The following CATSPERE variants were observed in gnomAD, a reference collection of about 807,000 sequenced individuals.
CATSPERE encodes the protein catsper channel auxiliary subunit epsilon.
Under a neutral mutation model 114.1 loss-of-function variants are expected in CATSPERE, and 93 were observed. That is an observed-to-expected ratio of 0.81 (90% CI 0.69 to 0.97). The LOEUF is 0.97. Ranked by LOEUF, CATSPERE falls within the 50% of genes least tolerant of loss-of-function variation. CATSPERE has a pLI of 0.00. For synonymous variants in CATSPERE, 341 were observed against 384.1 expected (o/e 0.89, Z 1.31); for missense variants, 1,058 against 1,131.6 (o/e 0.93, Z 0.93).
intron 6 of CATSPERE, 27 bp from the exon 7 acceptor site, chr1:244,498,975 G>T (rs1439820863): frequency 6.4e-7 from 1 of 1,550,672 alleles, no homozygotes; most frequent in African/African-American, 1.4e-5. Context: ...AAAATGTAAA[G>T]AAATGCAAAC....
chr1:244,491,951 A>T (rs559019120), intron 6 of CATSPERE, among the ~76,000 whole-genome samples: 5 of 152,364 alleles, frequency 3.3e-5, no homozygotes, highest in African/African-American at 1.2e-4. Flanking sequence ...GGCAATAATC[A>T]ATAGTTTACC....
At chr1:244,491,594 C>A (rs1672175243) in intron 6 of CATSPERE, among the ~76,000 whole-genome samples, 1 of 152,106 alleles carries the variant, frequency 6.6e-6, no homozygotes, top group Non-Finnish European at 1.5e-5. Context: ...TAACTAAAAT[C>A]AGGCAGAACT....
At chr1:244,629,708 C>T (rs1215677764) in intron 20 of CATSPERE, among the ~76,000 whole-genome samples, 2 of 151,632 alleles carry the variant, frequency 1.3e-5, no homozygotes, top group Non-Finnish European at 2.9e-5. Context: ...GGCATGATCT[C>T]AGCTCAATGC....
chr1:244,575,261 C>T lies in CATSPERE; in HGVS notation c.1950+2489C>T, dbSNP rs1665067124. On this transcript the variant is annotated intron_variant, in intron 11 of 21. Transcript: ENST00000366534. The surrounding 1 kb of genome is among the most constrained non-coding windows in gnomAD (Gnocchi z 4.5). ...CCCCGGGCTGTTGCTGGCCCAGAGG[C>T]TTGGCAGGTGCCTGCCGTAAGTTGT... Among the ~76,000 whole-genome samples the T allele has an allele frequency of 1.3e-5, 2 of 152,240 alleles. No homozygotes were observed. The highest frequency in any genetic ancestry group is 2.9e-5 in the Non-Finnish European group (2 of 68,034).
upstream of CATSPERE, among the ~76,000 whole-genome samples, chr1:244,454,059 G>A (rs573922040): frequency 3.3e-5 from 5 of 152,266 alleles, no homozygotes; most frequent in South Asian, 2.1e-4. Flanking sequence ...CTGTCCTCTC[G>A]TCTTTGTGTG....
intron 11 of CATSPERE, among the ~76,000 whole-genome samples, chr1:244,577,569 C>T (rs974096385): frequency 4.6e-5 from 7 of 152,164 alleles, no homozygotes; most frequent in East Asian, 3.9e-4. Flanking sequence ...GGTGAGGGAC[C>T]GTTCCTCACA....
chr1:244,625,428 A>ATTTTTTTTTTT (rs1234328450), intron 20 of CATSPERE, among the ~76,000 whole-genome samples: 20 of 3,744 alleles, frequency 5.3e-3, no homozygotes, highest in East Asian at 0.017. Context: ...ATATATATAT[A>ATTTTTTTTTTT]TATATTTTTT....
At chr1:244,459,924 T>TG, upstream of CATSPERE, among the ~76,000 whole-genome samples, 1 of 152,284 alleles carries the variant, frequency 6.6e-6, no homozygotes, top group South Asian at 2.1e-4. Context: ...TCACTCCCAT[T>TG]CCCATTACCT....
intron 8 of CATSPERE, among the ~76,000 whole-genome samples, chr1:244,519,073 T>C (rs979890855): frequency 2.6e-5 from 4 of 152,106 alleles, no homozygotes; most frequent in East Asian, 1.9e-4. Flanking sequence ...GCAAGATACA[T>C]TACTGTTAAA....
chr1:244,506,570 T>G lies in CATSPERE; in HGVS notation c.429+7491T>G, dbSNP rs1014226650. Among the ~76,000 whole-genome samples, 3 of 152,188 alleles carry G rather than the reference T, an allele frequency of 2.0e-5. No homozygotes were observed. The South Asian group carries it at 6.2e-4, about 32-fold the overall frequency. On this transcript the variant is annotated intron_variant, in intron 7 of 21. Transcript: ENST00000366534. ...TCACTAACACTTGTTTTGTTTTGTC[T>G]TTGGAGGAGGGAGTTTTATTTTGTT...
intron 17 of CATSPERE, among the ~76,000 whole-genome samples, chr1:244,598,959 A>T (rs1053565944): frequency 2.6e-5 from 4 of 152,152 alleles, no homozygotes; most frequent in African/African-American, 9.7e-5. Context: ...ATGCTGCAGT[A>T]ATAAATAAAC....
intron 8 of CATSPERE, among the ~76,000 whole-genome samples, chr1:244,543,175 A>G (rs72773423): frequency 0.12 from 18,732 of 152,194 alleles, 1,949 homozygotes; most frequent in African/African-American, 0.28. Flanking sequence ...TGGAAGGGAT[A>G]ATCTGCATTC....
chr1:244,626,485 C>CAAAAAAAA (rs35687880), intron 20 of CATSPERE, among the ~76,000 whole-genome samples: 1 of 66,878 alleles, frequency 1.5e-5, no homozygotes, highest in South Asian at 5.8e-4. Flanking sequence ...AATTCCATCT[C>CAAAAAAAA]AAAAAAAAAA....
intron 7 of CATSPERE, 21 bp downstream of exon 7, chr1:244,499,100 C>T (rs533511155): frequency 3.2e-6 from 5 of 1,552,394 alleles, no homozygotes; most frequent in African/African-American, 2.7e-5. Flanking sequence ...ACATTAGTAT[C>T]GTCATAGTAA....
chr1:244,572,278 C>A, intron 10 of CATSPERE, 52 bp from the exon 11 acceptor site: 1 of 883,320 alleles, frequency 1.1e-6, no homozygotes, highest in Non-Finnish European at 1.7e-6. Flanking sequence ...TTAACTAAAA[C>A]AGCACGATTT....
intron 20 of CATSPERE, among the ~76,000 whole-genome samples, chr1:244,618,375 T>C (rs74152141): frequency 0.049 from 7,494 of 152,260 alleles, 581 homozygotes; most frequent in African/African-American, 0.17. Context: ...AATGTTTAAG[T>C]AAATTTCAGC....
chr1:244,468,699 T>G (rs1467192114), intron 2 of CATSPERE, among the ~76,000 whole-genome samples: 1 of 152,108 alleles, frequency 6.6e-6, no homozygotes, highest in African/African-American at 2.4e-5. Context: ...CAGGTGGATC[T>G]CTTGAGCCCA....
At chr1:244,465,227 G>T (rs1667431905) in intron 2 of CATSPERE, among the ~76,000 whole-genome samples, 1 of 152,016 alleles carries the variant, frequency 6.6e-6, no homozygotes, top group South Asian at 2.1e-4. Context: ...GTAGAGATGG[G>T]ATTTCACCAT....
chr1:244,507,689 C>T (rs568333382), intron 7 of CATSPERE, among the ~76,000 whole-genome samples: 3 of 152,080 alleles, frequency 2.0e-5, no homozygotes, highest in African/African-American at 7.2e-5. Flanking sequence ...TAATTTCATC[C>T]TTCTGCATAT....
Sources: gnomAD v4.1 joint callset for allele counts (sites outside exome capture counted in the v4.1 genomes callset) on GRCh38, gnomAD v4.1.1 for gene constraint, Gnocchi (gnomAD v3.1) non-coding constraint, MANE v1.5 for transcripts, NCBI Gene and HGNC (gene_info 2026-07-23, HGNC 2026-07-21) for gene names.